MYO15A: variants seen among roughly 807,000 people sequenced by gnomAD.
MYO15A encodes myosin XVA, also known as unconventional myosin-XV.
Under a neutral mutation model 394.6 loss-of-function variants are expected in MYO15A, and 308 were observed. The observed-to-expected ratio is 0.78, with a 90% CI of 0.71 to 0.86. MYO15A has a LOEUF of 0.86. Among genes scored for constraint, MYO15A ranks in the 40% least tolerant of loss-of-function variants. MYO15A has a pLI of 0.00. For missense variants in MYO15A, 4,606 were observed against 4,799.1 expected, an observed-to-expected ratio of 0.96 and a Z score of 1.19; for synonymous variants, 1,957 against 2,003.8, an observed-to-expected ratio of 0.98 and a Z score of 0.62.
intron 1 of MYO15A, among the ~76,000 whole-genome samples, chr17:18,113,797 G>GACACACACAC (rs4025536): frequency 0.015 from 2,035 of 138,824 alleles, 68 homozygotes; most frequent in African/African-American, 0.051. Flanking sequence ...CACCTCCCCT[G>GACACACACAC]ACACACACAC....
Position 18,132,773 on chromosome 17 carries a change from T to C in MYO15A, c.4320+207T>C, listed in dbSNP as rs2046191639. On this transcript the variant is annotated intron_variant, in intron 11 of 65. Coordinates refer to ENST00000647165, the MANE Select transcript of MYO15A (RefSeq NM_016239.4). The surrounding 1 kb of genome is among the most constrained non-coding windows in gnomAD (Gnocchi z 4.6). ...AAAGCGGAAGCAGGAAAGGCCTACCTGACTTCATTTCTCTGGAACCTGGAA... is the reference window on the plus strand; with the variant it reads ...AAAGCGGAAGCAGGAAAGGCCTACCCGACTTCATTTCTCTGGAACCTGGAA... Among the ~76,000 whole-genome samples, 1 of 152,216 alleles carries C rather than the reference T, an allele frequency of 6.6e-6. No individual in the cohort carries two copies. The highest frequency in any genetic ancestry group is 2.4e-5 in the African/African-American group (1 of 41,464).
chr17:18,148,518 G>A lies in MYO15A; in HGVS notation c.6714G>A (p.Val2238=). The change falls in exon 32 of 66, where the codon GTG becomes GTA. Residue 2238 remains valine, a synonymous_variant. Transcript: ENST00000647165. The surrounding 1 kb of genome is among the most constrained non-coding windows in gnomAD (Gnocchi z 4.8). ...CFNGDQFSCP[V]HSWSTGEEVA... is the part of the protein sequence containing the mutation. ...CAGGTGACCAGTTCTCCTGCCCGGT[G>A]CACTCCTGGAGTACGGGGGAAGAGG... The A allele has an allele frequency of 2.6e-6, 4 of 1,552,778 alleles. No homozygotes were observed. The highest frequency in any genetic ancestry group is 3.5e-6 in the Non-Finnish European group (4 of 1,147,522).
chr17:18,121,565 T>C lies in MYO15A; in HGVS notation c.2765T>C (p.Val922Ala). 6.3e-7 allele frequency: 1 copy of C among 1,589,876 alleles called. No individual in the cohort carries two copies. The highest frequency in any genetic ancestry group is 8.6e-7 in the Non-Finnish European group (1 of 1,168,536). Residue 922 changes from valine to alanine, a missense_variant, in exon 2 of 66, where the codon GTG becomes GCG. Val to Ala is a moderately conservative substitution (Grantham distance 64). Coordinates refer to ENST00000647165, the MANE Select transcript of MYO15A (RefSeq NM_016239.4). The surrounding 1 kb of genome is among the most constrained non-coding windows in gnomAD (Gnocchi z 5.3). ...EPEDSETPWT[V>A]PPLAPSWDVD... ...GAGGACTCAGAGACGCCCTGGACTG[T>C]GCCCCCACTGGCCCCCAGCTGGGAC...
At chr17:18,149,646 C>G in intron 35 of MYO15A, 66 bp downstream of exon 35, 1 of 1,509,504 alleles carries the variant, frequency 6.6e-7, no homozygotes, top group Non-Finnish European at 9.2e-7. Context: ...AAGTCACACA[C>G]TTGTACAGGG....
chr17:18,168,820 G>A (rs1003805084), intron 62 of MYO15A, among the ~76,000 whole-genome samples: 14 of 151,982 alleles, frequency 9.2e-5, no homozygotes, highest in Admixed American at 6.6e-4. Flanking sequence ...AGAGGACCTT[G>A]GCCGGGCACC....
In MYO15A at chr17:18,162,665, C is replaced by T. The variant is rs1179246043; in HGVS notation, c.9598C>T (p.Leu3200Phe). 6.2e-7 allele frequency: 1 copy of T among 1,614,024 alleles called. No individual in the cohort carries two copies. The highest frequency in any genetic ancestry group is 8.5e-7 in the Non-Finnish European group (1 of 1,179,940). ...GRLELPSSIE[L>F]RAMLAGRSSK... ...TCTGGAGCTCCCCAGCAGCATAGAG[C>T]TTCGGGCCATGTTGGTGAGCATAGG... Residue 3200 changes from leucine (L) to phenylalanine (F), a missense_variant, in exon 58 of 66, where the codon CTT becomes TTT. Coordinates refer to ENST00000647165, the MANE Select transcript of MYO15A (RefSeq NM_016239.4).
chr17:18,172,508 A>G (rs1340273490), intron 64 of MYO15A: 3 of 698,200 alleles, frequency 4.3e-6, no homozygotes, highest in Middle Eastern at 5.5e-4. Context: ...TGTGAAGGTG[A>G]GATGAGGTAA....
intron 3 of MYO15A, 97 bp downstream of exon 3, chr17:18,124,662 C>A (rs1263289817): frequency 1.7e-6 from 2 of 1,179,710 alleles, no homozygotes; most frequent in Admixed American, 2.0e-5. Context: ...TCTCACCTCC[C>A]AGGACATTTT....
In MYO15A at chr17:18,148,600, C is replaced by T. The variant is rs1321996352; in HGVS notation, c.6764+32C>T. 2 of 1,550,436 alleles carry T rather than the reference C, an allele frequency of 1.3e-6. No homozygotes were observed. Among genetic ancestry groups the T allele is most frequent in the Non-Finnish European group, 1.7e-6 (2 of 1,146,258 alleles). On this transcript the variant is annotated intron_variant, in intron 32 of 65. Transcript: ENST00000647165. The surrounding 1 kb of genome is among the most constrained non-coding windows in gnomAD (Gnocchi z 4.8). ...TCCTAGGATGCCCTCCCAGCACACT[C>T]TTATGTACCTGGAATGTTGTGGGGG...
At chr17:18,170,271 T>C (rs1156921418) in intron 62 of MYO15A, among the ~76,000 whole-genome samples, 1 of 152,086 alleles carries the variant, frequency 6.6e-6, no homozygotes, top group Non-Finnish European at 1.5e-5. Context: ...ATGATGTCCG[T>C]ACCATGTGTA....
chr17:18,121,651 C>G lies in MYO15A; in HGVS notation c.2851C>G (p.Arg951Gly), dbSNP rs1400982168. Residue 951 changes from arginine to glycine, a missense_variant, in exon 2 of 66, where the codon CGA (arginine) becomes GGA (glycine). Physicochemically the swap from Arg to Gly is moderately radical, Grantham distance 125. This residue lies in a region of MYO15A where 1,830 missense variants were observed against 1,689.7 expected (regional missense o/e 1.08). Coordinates refer to ENST00000647165, the MANE Select transcript of MYO15A (RefSeq NM_016239.4). This position sits in a 1 kb window ranked among gnomAD's most constrained non-coding sequence, Gnocchi z 5.3. Reference sequence around the variant, plus strand: ...CTGGCCAGGAGGTGCAGGCAGCCGCCGAGGCTTTTCCAGGCCACCCCCTGT... The same window carrying G: ...CTGGCCAGGAGGTGCAGGCAGCCGCGGAGGCTTTTCCAGGCCACCCCCTGT... ...SPWPGGAGSR[R>G]GFSRPPPVPE... 1.2e-6 allele frequency: 2 copies of G among 1,606,048 alleles called. No homozygotes were observed. Among genetic ancestry groups the G allele is most frequent in the Non-Finnish European group, 1.7e-6 (2 of 1,176,100 alleles).
chr17:18,163,817 A>G lies in MYO15A; in HGVS notation c.9766A>G (p.Ile3256Val), dbSNP rs1212765418. Reference sequence around the variant, plus strand: ...CCCTGAGGCCTTCAATGAATATGTTATCTTCGTTGTCACCAACCGTGGTGA... The same window carrying G: ...CCCTGAGGCCTTCAATGAATATGTTGTCTTCGTTGTCACCAACCGTGGTGA... The part of the protein sequence containing the change: ...TRPEAFNEYV[I>V]FVVTNRGQHV... The change falls in exon 60 of 66, where the codon ATC becomes GTC. Residue 3256 changes from isoleucine to valine, a missense_variant. By Grantham distance (29) the Ile-to-Val change is conservative (BLOSUM62 3). This residue lies in a region of MYO15A where 2,776 missense variants were observed against 3,109.3 expected (regional missense o/e 0.89). Coordinates refer to ENST00000647165, the MANE Select transcript of MYO15A (RefSeq NM_016239.4). The G allele has an allele frequency of 5.6e-6, 9 of 1,613,994 alleles. No individual in the cohort carries two copies. Among genetic ancestry groups the G allele is most frequent in the Middle Eastern group, 1.6e-4 (1 of 6,062 alleles).
intron 55 of MYO15A, 63 bp downstream of exon 55, chr17:18,159,742 A>G (rs2142394635): frequency 6.4e-7 from 1 of 1,573,044 alleles, no homozygotes; most frequent in Non-Finnish European, 8.7e-7. Context: ...TTCCCCATCT[A>G]TCAATGAGTC....
Position 18,138,243 on chromosome 17 carries a change from C to T in MYO15A, c.5004C>T (p.Pro1668=), listed in dbSNP as rs1349749284. The change falls in exon 17 of 66, where the codon CCC becomes CCT. Residue 1668 remains proline (P), a synonymous_variant. Coordinates refer to ENST00000647165, the MANE Select transcript of MYO15A (RefSeq NM_016239.4). The part of the protein sequence containing the change: ...LRILDDQCCF[P]QATDHTFLQK... ...TCCTTGACGACCAGTGTTGCTTTCC[C>T]CAGGTGAGCCGCAGGCACTGTGTGA... 6.2e-7 allele frequency: 1 copy of T among 1,612,534 alleles called. No individual in the cohort carries two copies.
At position 18,159,590 on chromosome 17, in the gene MYO15A, T is replaced by A; in HGVS notation, c.9230-16T>A. ...GGGGGTTTGGTGGGTCTGAGTGGGATAGGTCTTTCCTACAGCTGTAATGAG... is the reference window on the plus strand; with the variant it reads ...GGGGGTTTGGTGGGTCTGAGTGGGAAAGGTCTTTCCTACAGCTGTAATGAG... On this transcript the variant is annotated splice_polypyrimidine_tract_variant and intron_variant, in intron 54 of 65. Transcript: ENST00000647165. 1 of 1,613,390 alleles carries A rather than the reference T, an allele frequency of 6.2e-7. No individual in the cohort carries two copies. Among genetic ancestry groups the A allele is most frequent in the Non-Finnish European group, 8.5e-7 (1 of 1,179,924 alleles).
chr17:18,167,683 C>G lies in MYO15A; in HGVS notation c.10042C>G (p.Leu3348Val), dbSNP rs770557071. 1 of 1,604,434 alleles carries G rather than the reference C, an allele frequency of 6.2e-7. No individual in the cohort carries two copies. The highest frequency in any genetic ancestry group is 1.7e-5 in the Admixed American group (1 of 60,032). ...LLQQVSKLAS[L>V]QHRAKDHFYL... ...GCAGCAGGTGTCCAAGCTGGCTTCACTGCAGCATCGCGCCAAGGACCACTT... is the reference window on the plus strand; with the variant it reads ...GCAGCAGGTGTCCAAGCTGGCTTCAGTGCAGCATCGCGCCAAGGACCACTT... The change falls in exon 62 of 66, where the codon CTG becomes GTG. Residue 3348 changes from leucine (L) to valine (V), a missense_variant. By Grantham distance (32) the Leu-to-Val change is conservative. This residue lies in a region of MYO15A where 2,776 missense variants were observed against 3,109.3 expected (regional missense o/e 0.89). Transcript: ENST00000647165.
intron 33 of MYO15A, 98 bp from the exon 34 acceptor site, chr17:18,149,118 A>C (rs2046535012): frequency 6.5e-7 from 1 of 1,534,268 alleles, no homozygotes; most frequent in African/African-American, 1.4e-5. Context: ...CCTGCTTTTA[A>C]ATGGAGAAAG....
rs2045822672 is a variant in MYO15A at position 18,118,420 on chromosome 17, A to ATGGGGT, written c.-219-159_-219-154dup. ...CCGAAGTGACCCAAGGGCTCCCTTCATGGGGTTGAGCCAGCTGTGGCCCAG... is the reference window on the plus strand; with the variant it reads ...CCGAAGTGACCCAAGGGCTCCCTTCATGGGGTTGGGGTTGAGCCAGCTGTGGCCCAG... On this transcript the variant is annotated intron_variant, in intron 1 of 65. Coordinates refer to ENST00000647165, the MANE Select transcript of MYO15A (RefSeq NM_016239.4). 2.0e-5 allele frequency among the ~76,000 whole-genome samples: 3 copies of ATGGGGT among 152,202 alleles called. No individual in the cohort carries two copies. In the South Asian group the frequency reaches 6.2e-4, roughly 31 times the overall value.
chr17:18,173,810 G>A lies in MYO15A; in HGVS notation c.10380G>A (p.Glu3460=). Residue 3460 remains glutamate (E), a synonymous_variant, in exon 65 of 66, where the codon GAG becomes GAA. Coordinates refer to ENST00000647165, the MANE Select transcript of MYO15A (RefSeq NM_016239.4). ...TGATGGTGAAGTTCCCCCTGAAGGA[G>A]ATCCAGTCGACGCGGACCCAGCGGC... The part of the protein sequence containing the change: ...HELMVKFPLK[E]IQSTRTQRPT... 2 of 1,614,042 alleles carry A rather than the reference G, an allele frequency of 1.2e-6. No individual in the cohort carries two copies. The highest frequency in any genetic ancestry group is 1.7e-6 in the Non-Finnish European group (2 of 1,180,044).
Sources: gnomAD v4.1 joint callset for allele counts (sites outside exome capture counted in the v4.1 genomes callset) on GRCh38, gnomAD v4.1.1 for gene constraint, gnomAD v4.1.1 regional missense constraint, Gnocchi (gnomAD v3.1) non-coding constraint, MANE v1.5 for transcripts, NCBI Gene and HGNC (gene_info 2026-07-23, HGNC 2026-07-21) for gene names.